TPRG1: variants seen among roughly 807,000 people sequenced by gnomAD.
TPRG1 encodes the protein tumor protein p63 regulated 1, also known as tumor protein p63-regulated gene 1 protein.
TPRG1 carries 29 observed loss-of-function variants against 29.3 expected under a neutral mutation model. That is an observed-to-expected ratio of 0.99 (90% CI 0.74 to 1.35). The LOEUF is 1.35. Ranked by LOEUF, TPRG1 falls within the 40% of genes most tolerant of loss-of-function variation. The pLI is 0.00. For missense variants in TPRG1, 327 were observed against 335.0 expected (o/e 0.98, Z 0.19); for synonymous variants, 130 against 116.8 (o/e 1.11, Z -0.73).
In TPRG1 at chr3:189,043,728, C is replaced by T. The variant is rs182062879; in HGVS notation, c.-463+19782C>T. On this transcript the variant is annotated intron_variant, in intron 4 of 10. Coordinates refer to the TPRG1 transcript ENST00000433971. ...CCCACTCTTGAATTGAAGGAGGGCA[C>T]GGTGACATTGGCATTTCTGCTTGGG... Among the ~76,000 whole-genome samples the T allele has an allele frequency of 5.8e-3, 878 of 152,144 alleles. 6 individuals carry two copies. The highest frequency in any genetic ancestry group is 0.024 in the Middle Eastern group (7 of 294).
At chr3:189,236,665 G>A (rs1172269219) in intron 3 of TPRG1, among the ~76,000 whole-genome samples, 2 of 152,146 alleles carry the variant, frequency 1.3e-5, no homozygotes, top group Admixed American at 6.5e-5. Flanking sequence ...CTTCTTCAAA[G>A]GGTTGTGGTA....
At chr3:189,295,335 G>A (rs1719716813) in intron 4 of TPRG1, among the ~76,000 whole-genome samples, 1 of 152,032 alleles carries the variant, frequency 6.6e-6, no homozygotes, top group Non-Finnish European at 1.5e-5. Flanking sequence ...TGTGAACACA[G>A]TTCAGCTCAG....
chr3:189,243,947 G>A (rs1049744680), intron 4 of TPRG1, among the ~76,000 whole-genome samples: 4 of 152,060 alleles, frequency 2.6e-5, no homozygotes, highest in African/African-American at 9.7e-5. Flanking sequence ...AGTTCCAAAC[G>A]TTTCCTCATC....
chr3:189,173,352 T>TTTTTTTTTTTTTTTTTTTTTC, intron 1 of TPRG1, among the ~76,000 whole-genome samples: 1 of 149,652 alleles, frequency 6.7e-6, no homozygotes, highest in Non-Finnish European at 1.5e-5. Flanking sequence ...CTTTTTTTTT[T>TTTTTTTTTTTTTTTTTTTTTC]TTTTTGAGAC....
intron 2 of TPRG1, among the ~76,000 whole-genome samples, chr3:189,209,593 T>C (rs146309246): frequency 1.3e-5 from 2 of 152,222 alleles, no homozygotes; most frequent in African/African-American, 2.4e-5. Context: ...GATGAACATA[T>C]TGAAGTTTGA....
chr3:189,088,690 A>G (rs1718127605), intron 4 of TPRG1, among the ~76,000 whole-genome samples: 1 of 152,186 alleles, frequency 6.6e-6, no homozygotes, highest in Non-Finnish European at 1.5e-5. Flanking sequence ...TCCAATCTAC[A>G]TTCAGAGAGC....
chr3:189,104,385 A>T (rs1719567429), intron 1 of TPRG1, among the ~76,000 whole-genome samples: 1 of 152,110 alleles, frequency 6.6e-6, no homozygotes, highest in Admixed American at 6.6e-5. Context: ...AAATTAAGGG[A>T]GAATTTATTA....
chr3:189,095,905 G>T (rs763115103), upstream of TPRG1, among the ~76,000 whole-genome samples: 12 of 152,208 alleles, frequency 7.9e-5, no homozygotes, highest in Non-Finnish European at 1.5e-4. Context: ...GACCTTGGGA[G>T]AGGAGAGGGG....
At chr3:189,226,794 T>A in intron 3 of TPRG1, among the ~76,000 whole-genome samples, 5 of 112,122 alleles carry the variant, frequency 4.5e-5, no homozygotes, top group Non-Finnish European at 3.6e-5. Context: ...CTAGCAAGGC[T>A]GACAAAAAAA....
intron 3 of TPRG1, among the ~76,000 whole-genome samples, chr3:189,138,440 C>T (rs1000443783): frequency 3.3e-5 from 5 of 152,174 alleles, no homozygotes; most frequent in Admixed American, 3.3e-4. Flanking sequence ...CATTTCTCAC[C>T]CACTTCCCAG....
intron 1 of TPRG1, among the ~76,000 whole-genome samples, chr3:189,183,200 G>T: frequency 6.6e-6 from 1 of 152,282 alleles, no homozygotes; most frequent in Non-Finnish European, 1.5e-5. Flanking sequence ...GACATCACAT[G>T]TCGGTAGGTT....
At chr3:189,111,746 G>T (rs991303768) in intron 1 of TPRG1, among the ~76,000 whole-genome samples, 6 of 152,086 alleles carry the variant, frequency 3.9e-5, no homozygotes, top group African/African-American at 1.2e-4. Flanking sequence ...AGTCCTAGTA[G>T]GTTTCTAAAG....
At chr3:189,316,681 C>T (rs1387174897) in intron 5 of TPRG1, among the ~76,000 whole-genome samples, 1 of 152,190 alleles carries the variant, frequency 6.6e-6, no homozygotes, top group Admixed American at 6.5e-5. Context: ...ACGCACACTG[C>T]TGCTATACTT....
chr3:189,019,628 T>G lies in TPRG1; in HGVS notation c.-659-4122T>G, dbSNP rs577381018. Among the ~76,000 whole-genome samples, 270 of 152,212 alleles carry G rather than the reference T, an allele frequency of 1.8e-3. 1 individual carries two copies. Among genetic ancestry groups the G allele is most frequent in the East Asian group, 0.016 (85 of 5,176 alleles). ...GCTTTTTGATGTGCTGCTGGATTTGTTTTGCCAGTATTTTATTGAGGATTT... is the reference window on the plus strand; with the variant it reads ...GCTTTTTGATGTGCTGCTGGATTTGGTTTGCCAGTATTTTATTGAGGATTT... On this transcript the variant is annotated intron_variant, in intron 3 of 10. Coordinates refer to the TPRG1 transcript ENST00000433971.
At chr3:189,018,298 C>T (rs1422319601) in intron 3 of TPRG1, among the ~76,000 whole-genome samples, 1 of 148,922 alleles carries the variant, frequency 6.7e-6, no homozygotes, top group Admixed American at 6.7e-5. Context: ...GACATGAAGT[C>T]CTTGCCCATG....
At chr3:189,296,321 G>A (rs1719908880) in intron 4 of TPRG1, among the ~76,000 whole-genome samples, 1 of 152,326 alleles carries the variant, frequency 6.6e-6, no homozygotes, top group Non-Finnish European at 1.5e-5. Flanking sequence ...AAGCAGGTAT[G>A]AAAAAGCTTA....
At chr3:189,156,435 T>G (rs1726689627) in intron 5 of TPRG1, among the ~76,000 whole-genome samples, 1 of 151,644 alleles carries the variant, frequency 6.6e-6, no homozygotes, top group South Asian at 2.1e-4. Context: ...AACAAACACG[T>G]GGGTTTTGGA....
At chr3:189,082,874 TCACA>T (rs967250906) in intron 4 of TPRG1, among the ~76,000 whole-genome samples, 2 of 151,512 alleles carry the variant, frequency 1.3e-5, no homozygotes, top group African/African-American at 2.4e-5. Flanking sequence ...GAACGTACAT[TCACA>T]CACACACACA....
chr3:189,202,508 T>A (rs1733664608), intron 1 of TPRG1, among the ~76,000 whole-genome samples: 1 of 152,234 alleles, frequency 6.6e-6, no homozygotes, highest in African/African-American at 2.4e-5. Flanking sequence ...CAATATTATG[T>A]GTTTTTTCCC....
Sources: allele counts gnomAD v4.1 joint callset (sites outside exome capture counted in the v4.1 genomes callset), GRCh38; gene constraint gnomAD v4.1.1; transcripts MANE v1.5; gene names NCBI Gene and HGNC (gene_info 2026-07-23, HGNC 2026-07-21).